The following CAMSAP2 variants were observed in gnomAD, a reference collection of about 807,000 sequenced individuals.
The protein encoded by CAMSAP2 is calmodulin-regulated spectrin-associated protein 2.
CAMSAP2 carries 26 observed loss-of-function variants against 146.1 expected under a neutral mutation model. The observed-to-expected ratio is 0.18, with a 90% CI of 0.13 to 0.25. The LOEUF (loss-of-function observed/expected upper bound fraction) is 0.25, where lower values mean the gene tolerates loss of function less well. Among genes scored for constraint, CAMSAP2 ranks in the 10% least tolerant of loss-of-function variants. The pLI is 1.00. For missense variants in CAMSAP2, 1,381 were observed against 1,759.3 expected (o/e 0.78, Z 3.85); for synonymous variants, 499 against 596.6 (o/e 0.84, Z 2.38).
At chr1:200,777,862 C>T (rs1176324645) in intron 2 of CAMSAP2, among the ~76,000 whole-genome samples, 1 of 152,112 alleles carries the variant, frequency 6.6e-6, no homozygotes. Context: ...ATGGCTTGTG[C>T]CTGGGAGGTA....
chr1:200,747,308 G>T (rs559895109), intron 1 of CAMSAP2, among the ~76,000 whole-genome samples: 11 of 152,304 alleles, frequency 7.2e-5, no homozygotes, highest in African/African-American at 2.4e-4. Context: ...AGGGAATGTG[G>T]AGGCTCAGAA....
intron 3 of CAMSAP2, 71 bp downstream of exon 3, chr1:200,807,608 C>A: frequency 1.3e-5 from 14 of 1,043,428 alleles, no homozygotes; most frequent in South Asian, 5.5e-5. Context: ...TTATACATTG[C>A]CACTTCATTA....
In CAMSAP2 at chr1:200,848,624, A is replaced by T; in HGVS notation, c.1855A>T (p.Ile619Phe). 1 of 1,614,130 alleles carries T rather than the reference A, an allele frequency of 6.2e-7. No individual in the cohort carries two copies. The highest frequency in any genetic ancestry group is 8.5e-7 in the Non-Finnish European group (1 of 1,179,974). ...DTGIHVPSED[I>F]PETMDEDSSL... Reference sequence around the variant, plus strand: ...TGGAATTCACGTTCCTTCAGAAGATATTCCTGAAACTATGGACGAAGATTC... The same window carrying T: ...TGGAATTCACGTTCCTTCAGAAGATTTTCCTGAAACTATGGACGAAGATTC... The change falls in exon 11 of 17, where the codon ATT becomes TTT. Residue 619 changes from isoleucine to phenylalanine, a missense_variant. Around this residue, in one of 4 missense-constraint regions of CAMSAP2, gnomAD observed 447 missense variants for 462.2 expected, o/e 0.97. Coordinates refer to ENST00000358823, the MANE Select transcript of CAMSAP2 (RefSeq NM_203459.4).
intron 2 of CAMSAP2, among the ~76,000 whole-genome samples, chr1:200,791,951 G>A (rs965964470): frequency 9.9e-5 from 15 of 150,928 alleles, no homozygotes; most frequent in African/African-American, 3.4e-4. Context: ...GAGTGACAAA[G>A]CAAGACCCTG....
chr1:200,757,744 G>T (rs1236082080), intron 1 of CAMSAP2, among the ~76,000 whole-genome samples: 1 of 152,154 alleles, frequency 6.6e-6, no homozygotes, highest in Non-Finnish European at 1.5e-5. Flanking sequence ...TTTATATTCA[G>T]TATGAAGTTT....
In CAMSAP2 at chr1:200,857,862, C is replaced by T. The variant is rs766575701; in HGVS notation, c.4240C>T (p.Leu1414=). Residue 1414 remains leucine, a synonymous_variant, in exon 17 of 17, where the codon CTG becomes TTG. Coordinates refer to ENST00000358823, the MANE Select transcript of CAMSAP2 (RefSeq NM_203459.4). The surrounding 1 kb of genome is among the most constrained non-coding windows in gnomAD (Gnocchi z 4.7). ...CCCAGAAACTGAAGAAATCAATAAA[C>T]TGACTGGGATAGGCCCTAAATCTAT... ...YCPETEEINK[L]TGIGPKSITK... 6.2e-7 allele frequency: 1 copy of T among 1,613,758 alleles called. No homozygotes were observed. Among genetic ancestry groups the T allele is most frequent in the Non-Finnish European group, 8.5e-7 (1 of 1,179,776 alleles).
At chr1:200,785,522 G>A (rs1665562764) in intron 2 of CAMSAP2, among the ~76,000 whole-genome samples, 1 of 150,738 alleles carries the variant, frequency 6.6e-6, no homozygotes, top group Non-Finnish European at 1.5e-5. Context: ...CGAAGTAGCT[G>A]GGATTACAGG....
intron 2 of CAMSAP2, among the ~76,000 whole-genome samples, chr1:200,790,774 A>T (rs988355948): frequency 6.6e-6 from 1 of 151,964 alleles, no homozygotes; most frequent in Admixed American, 6.6e-5. Flanking sequence ...TTTCTTTTAC[A>T]TTTTTTTGTA....
At chr1:200,836,828 T>A (rs1018438770) in intron 6 of CAMSAP2, among the ~76,000 whole-genome samples, 5 of 152,260 alleles carry the variant, frequency 3.3e-5, no homozygotes, top group African/African-American at 9.6e-5. Context: ...TGATTTGCAT[T>A]TCTCTAATGA....
intron 3 of CAMSAP2, among the ~76,000 whole-genome samples, chr1:200,809,972 G>A (rs987289176): frequency 1.3e-5 from 2 of 152,090 alleles, no homozygotes; most frequent in African/African-American, 4.8e-5. Flanking sequence ...GTGATAGCCC[G>A]TTGATCCATT....
In CAMSAP2 at chr1:200,858,305, T is replaced by C. The variant is rs948010253; in HGVS notation, c.*246T>C. 24 of 399,466 alleles carry C rather than the reference T, an allele frequency of 6.0e-5. No individual in the cohort carries two copies. Among genetic ancestry groups the C allele is most frequent in the Non-Finnish European group, 9.7e-5 (22 of 226,412 alleles). The allele number at this position is 399,466 out of a possible 1,614,324, so 24.7% of individuals were successfully genotyped here. On this transcript the variant is annotated 3_prime_UTR_variant, in exon 17 of 17. Transcript: ENST00000358823. ...CACAAATGGAGATTTGTATGTGTTA[T>C]CAGGTTCACCTGCTTGATATTAGAT...
intron 2 of CAMSAP2, among the ~76,000 whole-genome samples, chr1:200,767,129 G>A (rs1664975603): frequency 6.6e-6 from 1 of 152,028 alleles, no homozygotes; most frequent in African/African-American, 2.4e-5. Context: ...TCAGGAGTTC[G>A]AGACCAGCCT....
Position 200,844,416 on chromosome 1 carries a change from C to T in CAMSAP2, c.1022-366C>T, listed in dbSNP as rs538312779. 3.1e-3 allele frequency among the ~76,000 whole-genome samples: 470 copies of T among 151,834 alleles called. 3 individuals are homozygous for T. The South Asian group carries it at 0.031, about 10-fold the overall frequency. ...TTCAAAAATTAGCTGAGCGTGGTGG[C>T]GGGTGCCTGTAGTCCCAGCTGCTTG... On this transcript the variant is annotated intron_variant, in intron 7 of 16. Coordinates refer to ENST00000358823, the MANE Select transcript of CAMSAP2 (RefSeq NM_203459.4).
intron 2 of CAMSAP2, among the ~76,000 whole-genome samples, chr1:200,768,016 A>T (rs916089329): frequency 6.6e-6 from 1 of 152,084 alleles, no homozygotes; most frequent in Non-Finnish European, 1.5e-5. Context: ...TCTCACAAAG[A>T]CTCTTTTTAA....
intron 2 of CAMSAP2, among the ~76,000 whole-genome samples, chr1:200,798,544 T>C (rs1459405659): frequency 7.2e-6 from 1 of 139,144 alleles, no homozygotes; most frequent in Non-Finnish European, 1.5e-5. Context: ...CTGAAGTTGC[T>C]TATCAGCTTA....
intron 2 of CAMSAP2, among the ~76,000 whole-genome samples, chr1:200,774,934 C>T (rs563781316): frequency 5.9e-5 from 9 of 152,116 alleles, no homozygotes; most frequent in African/African-American, 1.4e-4. Context: ...TTTTTGGTTA[C>T]GGGATGTAGT....
chr1:200,846,887 C>T (rs1667472066), intron 8 of CAMSAP2, among the ~76,000 whole-genome samples: 1 of 152,024 alleles, frequency 6.6e-6, no homozygotes, highest in African/African-American at 2.4e-5. Flanking sequence ...TAGATTTGAC[C>T]AAAGTATTTC....
At chr1:200,786,902 T>TAGGGCACAG (rs1558177330) in intron 2 of CAMSAP2, among the ~76,000 whole-genome samples, 3 of 152,040 alleles carry the variant, frequency 2.0e-5, no homozygotes, top group African/African-American at 7.2e-5. Context: ...TTAAGAACTA[T>TAGGGCACAG]GCTAAATTGA....
intron 1 of CAMSAP2, among the ~76,000 whole-genome samples, chr1:200,759,737 G>C (rs932394085): frequency 3.3e-5 from 5 of 152,146 alleles, no homozygotes; most frequent in African/African-American, 1.2e-4. Context: ...TAGGTCTCAG[G>C]ACAGAGCTAT....
Sources: gnomAD v4.1 joint callset for allele counts (sites outside exome capture counted in the v4.1 genomes callset) on GRCh38, gnomAD v4.1.1 for gene constraint, gnomAD v4.1.1 regional missense constraint, Gnocchi (gnomAD v3.1) non-coding constraint, MANE v1.5 for transcripts, NCBI Gene and HGNC (gene_info 2026-07-23, HGNC 2026-07-21) for gene names.